PITPNB: variants seen among roughly 807,000 people sequenced by gnomAD.
PITPNB encodes phosphatidylinositol transfer protein beta isoform.
Under a neutral mutation model 45.9 loss-of-function variants are expected in PITPNB, and 16 were observed. The ratio of observed to expected loss-of-function variants is 0.35; its 90% CI spans 0.24 to 0.53. The LOEUF (loss-of-function observed/expected upper bound fraction) is 0.53, where lower values mean the gene tolerates loss of function less well. Ranked by LOEUF, PITPNB falls within the 20% of genes least tolerant of loss-of-function variation. The pLI, the probability that PITPNB is intolerant of heterozygous loss-of-function variation, is 0.93. For missense variants in PITPNB, 188 were observed against 330.5 expected, an observed-to-expected ratio of 0.57 and a Z score of 3.34; for synonymous variants, 112 against 108.9, an observed-to-expected ratio of 1.03 and a Z score of -0.18.
In PITPNB at chr22:27,898,253, T is replaced by C. The variant is rs117111188; in HGVS notation, c.198-361A>G. Among the ~76,000 whole-genome samples, 208 of 152,100 alleles carry C rather than the reference T, an allele frequency of 1.4e-3. 5 individuals are homozygous for C. The East Asian group carries it at 0.035, about 25-fold the overall frequency. On this transcript the variant is annotated intron_variant, in intron 3 of 11. Coordinates refer to ENST00000335272, the MANE Select transcript of PITPNB (RefSeq NM_012399.5). ...AGCCAGGCATGGTGGCACATGCCTG[T>C]AGCCCCAACTATTCAGGAGGCTCAG...
chr22:27,903,128 C>T (rs1020505150), intron 3 of PITPNB, among the ~76,000 whole-genome samples: 1 of 151,960 alleles, frequency 6.6e-6, no homozygotes. Flanking sequence ...AACTAGTACC[C>T]GGAATATATA....
At chr22:27,896,688 T>C (rs1394299623) in intron 5 of PITPNB, 62 bp from the exon 6 acceptor site, 3 of 1,097,428 alleles carry the variant, frequency 2.7e-6, no homozygotes, top group Non-Finnish European at 2.8e-6. Flanking sequence ...TGCCCACGTC[T>C]GAGGGAGCTT....
intron 10 of PITPNB, among the ~76,000 whole-genome samples, chr22:27,856,161 T>C (rs1934166145): frequency 6.6e-6 from 1 of 152,242 alleles, no homozygotes; most frequent in African/African-American, 2.4e-5. Context: ...TTTTGAGATA[T>C]TTGACAAAGC....
chr22:27,877,298 A>G (rs1934846974), intron 7 of PITPNB, among the ~76,000 whole-genome samples: 1 of 152,238 alleles, frequency 6.6e-6, no homozygotes, highest in South Asian at 2.1e-4. Context: ...CTCCACCAAT[A>G]ATAGTGCCTG....
chr22:27,901,310 C>A (rs1203196922), intron 3 of PITPNB, among the ~76,000 whole-genome samples: 1 of 152,086 alleles, frequency 6.6e-6, no homozygotes, highest in African/African-American at 2.4e-5. Context: ...CTTTTTTAAT[C>A]CTATTCCTGA....
intron 3 of PITPNB, 129 bp from the exon 4 acceptor site, chr22:27,898,021 C>T (rs1334503901): frequency 1.8e-5 from 12 of 667,980 alleles, no homozygotes; most frequent in Non-Finnish European, 5.5e-6. Context: ...TAGTTTATTT[C>T]AATCCTAAAG....
intron 8 of PITPNB, among the ~76,000 whole-genome samples, chr22:27,869,329 T>C (rs1043602375): frequency 6.6e-6 from 1 of 152,222 alleles, no homozygotes; most frequent in Non-Finnish European, 1.5e-5. Context: ...GGCCTGCATC[T>C]CTGGGTTTGT....
At chr22:27,901,224 T>C (rs1183661922) in intron 3 of PITPNB, among the ~76,000 whole-genome samples, 1 of 152,238 alleles carries the variant, frequency 6.6e-6, no homozygotes, top group Non-Finnish European at 1.5e-5. Flanking sequence ...CCACTCTGAA[T>C]AGTACTTTAA....
rs1934133294 is a variant in PITPNB at position 27,855,091 on chromosome 22, CTTGGT to C, written c.769-157_769-153del. 1.5e-4 allele frequency: 91 copies of C among 591,952 alleles called. 1 individual carries two copies. In the South Asian group the frequency reaches 2.1e-3, roughly 13 times the overall value. 36.7% of individuals were successfully genotyped at this position (591,952 alleles called of 1,614,324 possible). ...GAAGTTCTGTGGCCCCTCAAATAAC[CTTGGT>C]TTGAAGACATTCTTGCAAAAGGCTT... is the stretch of plus-strand genomic sequence containing the variant. On this transcript the variant is annotated intron_variant, in intron 10 of 11. Transcript: ENST00000335272.
intron 5 of PITPNB, chr22:27,896,872 G>A: frequency 1.6e-6 from 1 of 607,872 alleles, no homozygotes; most frequent in South Asian, 2.1e-5. Flanking sequence ...TAAAGAAGCT[G>A]TGAGGTCTGA....
chr22:27,909,277 G>A (rs1024520680), intron 3 of PITPNB, among the ~76,000 whole-genome samples: 14 of 125,630 alleles, frequency 1.1e-4, no homozygotes, highest in African/African-American at 3.4e-4. Flanking sequence ...ATATTGCCCC[G>A]ACTGGTCTCA....
chr22:27,889,314 T>C (rs1935207953), intron 7 of PITPNB, among the ~76,000 whole-genome samples: 1 of 152,100 alleles, frequency 6.6e-6, no homozygotes, highest in Non-Finnish European at 1.5e-5. Context: ...TCATTTCTAT[T>C]CTGCTTGCCT....
intron 1 of PITPNB, among the ~76,000 whole-genome samples, chr22:27,915,863 T>C (rs191895678): frequency 8.5e-5 from 13 of 152,276 alleles, no homozygotes; most frequent in Admixed American, 8.5e-4. Flanking sequence ...ATCCATTAAA[T>C]TCATCAGGCA....
chr22:27,861,030 A>G (rs1239483793), intron 8 of PITPNB, among the ~76,000 whole-genome samples: 1 of 149,216 alleles, frequency 6.7e-6, no homozygotes. Flanking sequence ...TCTGGAAAAA[A>G]AAAAAAAAAA....
chr22:27,861,182 A>G (rs893855473), intron 8 of PITPNB, among the ~76,000 whole-genome samples: 2 of 151,842 alleles, frequency 1.3e-5, no homozygotes, highest in African/African-American at 4.8e-5. Flanking sequence ...AAATTACAAA[A>G]ATTTGCTGGG....
chr22:27,873,698 T>G (rs1446911873), intron 8 of PITPNB, 40 bp downstream of exon 8: 1 of 1,239,628 alleles, frequency 8.1e-7, no homozygotes, highest in Non-Finnish European at 1.2e-6. Flanking sequence ...AGTGTTCTGT[T>G]GCCAAGACTC....
intron 4 of PITPNB, 117 bp from the exon 5 acceptor site, chr22:27,897,254 A>G: frequency 2.6e-6 from 2 of 780,554 alleles, no homozygotes; most frequent in Non-Finnish European, 4.6e-6. Flanking sequence ...CTGAAAACAG[A>G]ACATTTATTT....
intron 7 of PITPNB, among the ~76,000 whole-genome samples, chr22:27,885,845 A>G (rs1217996924): frequency 6.6e-6 from 1 of 152,192 alleles, no homozygotes; most frequent in Non-Finnish European, 1.5e-5. Context: ...AAACATTTGC[A>G]AATTCTCTCT....
intron 9 of PITPNB, 151 bp downstream of exon 9, chr22:27,859,980 G>T: frequency 1.8e-6 from 1 of 556,592 alleles, no homozygotes; most frequent in East Asian, 2.9e-5. Flanking sequence ...GCTGCTTTGA[G>T]GTATAAAGAA....
Sources: allele counts gnomAD v4.1 joint callset (sites outside exome capture counted in the v4.1 genomes callset), GRCh38; gene constraint gnomAD v4.1.1; transcripts MANE v1.5; gene names NCBI Gene and HGNC (gene_info 2026-07-23, HGNC 2026-07-21).